KCNIP4: variants seen among roughly 807,000 people sequenced by gnomAD.
KCNIP4 encodes Kv channel-interacting protein 4.
A neutral mutation model predicts 34.0 loss-of-function variants in KCNIP4; 12 were observed. The ratio of observed to expected loss-of-function variants is 0.35; its 90% CI spans 0.23 to 0.57. The LOEUF is 0.57. KCNIP4 is among the 20% of genes least tolerant of loss of function. The probability of loss-of-function intolerance (pLI) is 0.83; values close to 1 mark genes in which losing one functional copy is unlikely to be tolerated. For missense variants in KCNIP4, 238 were observed against 311.7 expected (o/e 0.76, Z 1.78); for synonymous variants, 124 against 102.2 (o/e 1.21, Z -1.29).
At chr4:21,320,805 T>C (rs542642261) in intron 1 of KCNIP4, among the ~76,000 whole-genome samples, 1 of 151,968 alleles carries the variant, frequency 6.6e-6, no homozygotes, top group South Asian at 2.1e-4. Flanking sequence ...GCCCCATCTC[T>C]ACTAAAAAGA....
chr4:20,810,278 G>A (rs1296798983), intron 3 of KCNIP4, among the ~76,000 whole-genome samples: 5 of 152,050 alleles, frequency 3.3e-5, no homozygotes, highest in Non-Finnish European at 5.9e-5. Flanking sequence ...TTATTGTATC[G>A]TCCCCTCTGG....
At chr4:20,733,901 C>T (rs918004833) in intron 6 of KCNIP4, among the ~76,000 whole-genome samples, 3 of 152,098 alleles carry the variant, frequency 2.0e-5, no homozygotes, top group East Asian at 3.9e-4. Flanking sequence ...TGTGTCTCTC[C>T]AGTAGCGCAA....
Position 21,447,682 on chromosome 4 carries a change from A to G in KCNIP4, c.61+500889T>C, listed in dbSNP as rs1025262382. 1.1e-4 allele frequency among the ~76,000 whole-genome samples: 17 copies of G among 152,308 alleles called. No homozygotes were observed. The South Asian group carries it at 3.5e-3, about 32-fold the overall frequency. On this transcript the variant is annotated intron_variant, in intron 1 of 8. Coordinates refer to ENST00000382152, the MANE Select transcript of KCNIP4 (RefSeq NM_025221.6). ...CAATAATTGATAAAGTAGAACAATCATAATACACTGTAATCAAATTTACAT... is the reference window on the plus strand; with the variant it reads ...CAATAATTGATAAAGTAGAACAATCGTAATACACTGTAATCAAATTTACAT...
chr4:20,999,112 G>A (rs1279281839), intron 1 of KCNIP4, among the ~76,000 whole-genome samples: 6 of 152,160 alleles, frequency 3.9e-5, no homozygotes, highest in African/African-American at 1.4e-4. Flanking sequence ...CTGACAAAAA[G>A]ACATCATCTG....
At chr4:21,728,770 TG>T (rs1268245232) in intron 1 of KCNIP4, among the ~76,000 whole-genome samples, 10 of 152,156 alleles carry the variant, frequency 6.6e-5, no homozygotes, top group Non-Finnish European at 1.0e-4. Context: ...GATCCTCCCC[TG>T]GGGAAGCCCT....
chr4:20,846,475 T>C (rs1455863640), intron 3 of KCNIP4, among the ~76,000 whole-genome samples: 3 of 152,200 alleles, frequency 2.0e-5, no homozygotes, highest in African/African-American at 4.8e-5. Context: ...TTGATATTTG[T>C]GTGACCTTTT....
chr4:21,801,611 A>G (rs1251548240), intron 1 of KCNIP4, among the ~76,000 whole-genome samples: 1 of 151,608 alleles, frequency 6.6e-6, no homozygotes, highest in Non-Finnish European at 1.5e-5. Context: ...TTTTATTATT[A>G]TTATTATTAT....
chr4:21,682,950 C>A (rs2109027041), intron 1 of KCNIP4, among the ~76,000 whole-genome samples: 1 of 152,280 alleles, frequency 6.6e-6, no homozygotes, highest in South Asian at 2.1e-4. Context: ...TTGCAACGAT[C>A]ATAATGTGAC....
intron 1 of KCNIP4, among the ~76,000 whole-genome samples, chr4:21,183,461 T>C (rs1348969709): frequency 7.1e-6 from 1 of 141,314 alleles, no homozygotes; most frequent in African/African-American, 2.8e-5. Flanking sequence ...AATGGCTGTG[T>C]TGTTTTTGTT....
At chr4:21,070,800 T>C (rs6849790) in intron 1 of KCNIP4, among the ~76,000 whole-genome samples, 47,845 of 149,244 alleles carry the variant, frequency 0.32, 8,817 homozygotes, top group African/African-American at 0.52. Context: ...CTCAGCCTCC[T>C]GAGTAGCTGG....
chr4:20,917,785 C>T (rs571581293), intron 1 of KCNIP4, among the ~76,000 whole-genome samples: 11 of 152,126 alleles, frequency 7.2e-5, no homozygotes, highest in Admixed American at 5.2e-4. Context: ...TATCAGGAGG[C>T]AGAGATAAAG....
chr4:21,292,169 G>T (rs1763565141), intron 1 of KCNIP4, among the ~76,000 whole-genome samples: 1 of 152,106 alleles, frequency 6.6e-6, no homozygotes, highest in East Asian at 1.9e-4. Context: ...TTCTCCCTGA[G>T]ATATTTTACA....
intron 5 of KCNIP4, among the ~76,000 whole-genome samples, chr4:20,738,669 C>G (rs1202771310): frequency 6.6e-6 from 1 of 152,238 alleles, no homozygotes; most frequent in Non-Finnish European, 1.5e-5. Flanking sequence ...CAGCTCCCAG[C>G]ATGAGCAACG....
intron 1 of KCNIP4, among the ~76,000 whole-genome samples, chr4:21,360,255 A>G (rs538233635): frequency 6.6e-6 from 1 of 152,130 alleles, no homozygotes; most frequent in Non-Finnish European, 1.5e-5. Context: ...AACAACAAAA[A>G]TAATTTTGAT....
intron 5 of KCNIP4, among the ~76,000 whole-genome samples, chr4:20,742,595 C>T (rs886252665): frequency 2.0e-5 from 3 of 152,090 alleles, no homozygotes; most frequent in African/African-American, 7.2e-5. Flanking sequence ...ATGGCAAACC[C>T]ACAGCCAATA....
At chr4:21,329,852 G>A (rs1715448829) in intron 1 of KCNIP4, among the ~76,000 whole-genome samples, 2 of 152,074 alleles carry the variant, frequency 1.3e-5, no homozygotes, top group Admixed American at 6.6e-5. Flanking sequence ...TATTCAATGG[G>A]GAAGATGATA....
At chr4:21,181,282 G>A (rs1754821127) in intron 1 of KCNIP4, among the ~76,000 whole-genome samples, 2 of 151,970 alleles carry the variant, frequency 1.3e-5, no homozygotes, top group Admixed American at 1.3e-4. Context: ...TCCTTGATTT[G>A]ATTAAGTGTC....
chr4:21,297,026 G>A (rs921128215), intron 1 of KCNIP4, among the ~76,000 whole-genome samples: 8 of 151,110 alleles, frequency 5.3e-5, no homozygotes, highest in Non-Finnish European at 1.2e-4. Flanking sequence ...ACATAAGTAC[G>A]TATGTGTGTG....
intron 1 of KCNIP4, among the ~76,000 whole-genome samples, chr4:20,940,376 T>C (rs764172238): frequency 2.0e-5 from 3 of 152,222 alleles, no homozygotes; most frequent in Admixed American, 6.5e-5. Flanking sequence ...ATCTCATTTA[T>C]CTAAGTAGTG....
Sources: gnomAD v4.1 joint callset for allele counts (sites outside exome capture counted in the v4.1 genomes callset) on GRCh38, gnomAD v4.1.1 for gene constraint, MANE v1.5 for transcripts, NCBI Gene and HGNC (gene_info 2026-07-23, HGNC 2026-07-21) for gene names.